Variants in CSE1L observed in about 807,000 individuals in gnomAD.
The protein encoded by CSE1L is chromosome segregation 1 like, also known as exportin-2.
A neutral mutation model predicts 120.4 loss-of-function variants in CSE1L; 24 were observed. The observed-to-expected ratio is 0.20, with a 90% CI of 0.14 to 0.28. The LOEUF (loss-of-function observed/expected upper bound fraction) is 0.28. Among genes scored for constraint, CSE1L ranks in the 10% least tolerant of loss-of-function variants. The pLI is 1.00. For missense variants in CSE1L, 830 were observed against 1,145.2 expected (o/e 0.72, Z 3.97); for synonymous variants, 402 against 398.3 (o/e 1.01, Z -0.11).
intron 3 of CSE1L, among the ~76,000 whole-genome samples, chr20:49,065,157 C>T (rs80021316): frequency 7.5e-6 from 1 of 133,654 alleles, no homozygotes; most frequent in Non-Finnish European, 1.6e-5. Flanking sequence ...AACCCAGTCT[C>T]AAAAAAAAAA....
rs1395297925 is a variant in CSE1L at position 49,084,235 on chromosome 20, T to C, written c.1619+73T>C. 6 of 1,390,690 alleles carry C rather than the reference T, an allele frequency of 4.3e-6. No individual in the cohort carries two copies. In the Admixed American group the frequency reaches 1.3e-4, roughly 31 times the overall value. The allele number at this position is 1,390,690 out of a possible 1,614,324, so 86.1% of individuals were successfully genotyped here. A position where few individuals can be genotyped will look rare whatever the true frequency, so the allele number is the denominator to read the frequency against. On this transcript the variant is annotated intron_variant, in intron 15 of 24. Transcript: ENST00000262982. ...TGTGCTGGTCAAAGATATCTGAATGTTTTCATAATTTCACTAGTGGGAAAA... is the reference window on the plus strand; with the variant it reads ...TGTGCTGGTCAAAGATATCTGAATGCTTTCATAATTTCACTAGTGGGAAAA...
At chr20:49,078,075 A>T (rs534861372) in intron 13 of CSE1L, among the ~76,000 whole-genome samples, 26 of 152,192 alleles carry the variant, frequency 1.7e-4, no homozygotes, top group South Asian at 4.1e-4. Flanking sequence ...ATTCCTTTTT[A>T]AAAAAAATAT....
chr20:49,060,359 GTAGTCCCAGA>G (rs1309684107), intron 2 of CSE1L, among the ~76,000 whole-genome samples: 1 of 151,992 alleles, frequency 6.6e-6, no homozygotes, highest in African/African-American at 2.4e-5. Context: ...GTGCACGGCT[GTAGTCCCAGA>G]TACTTGGGAG....
chr20:49,048,825 G>A (rs1260984156), intron 1 of CSE1L, among the ~76,000 whole-genome samples: 1 of 152,194 alleles, frequency 6.6e-6, no homozygotes, highest in African/African-American at 2.4e-5. Flanking sequence ...ATGTGTGGGT[G>A]CCAGATAGTT....
chr20:49,075,278 G>GT (rs763254861), intron 11 of CSE1L, 40 bp from the exon 12 acceptor site: 101 of 1,483,834 alleles, frequency 6.8e-5, no homozygotes, highest in Non-Finnish European at 7.9e-5. Context: ...GTTGGTGGTT[G>GT]TTTTTTTTCC....
Position 49,085,262 on chromosome 20 carries a change from AAGCTG to A in CSE1L, c.1620-20_1620-16del. The stretch of plus-strand genomic sequence containing the variant: ...AAGCTCAAGAGTTGGTAGTGACTGA[AAGCTG>A]TTTTTTCATCTATAGCTTTACAGCT... On this transcript the variant is annotated splice_polypyrimidine_tract_variant and intron_variant, in intron 15 of 24. Transcript: ENST00000262982. 1 of 1,594,378 alleles carries A rather than the reference AAGCTG, an allele frequency of 6.3e-7. No individual in the cohort carries two copies. Among genetic ancestry groups the A allele is most frequent in the African/African-American group, 1.3e-5 (1 of 74,670 alleles).
At chr20:49,079,691 A>G (rs2091995819) in intron 14 of CSE1L, among the ~76,000 whole-genome samples, 1 of 152,096 alleles carries the variant, frequency 6.6e-6, no homozygotes, top group African/African-American at 2.4e-5. Flanking sequence ...TAGGTCCCAC[A>G]TTTGGGCCTG....
At chr20:49,085,555 AAC>A (rs2092048882) in intron 16 of CSE1L, among the ~76,000 whole-genome samples, 169 bp downstream of exon 16, 1 of 133,066 alleles carries the variant, frequency 7.5e-6, no homozygotes, top group African/African-American at 2.9e-5. Flanking sequence ...GTTTACTACT[AAC>A]AATAATTTTT....
intron 1 of CSE1L, among the ~76,000 whole-genome samples, chr20:49,051,283 T>A (rs1031727951): frequency 3.3e-5 from 5 of 152,226 alleles, no homozygotes; most frequent in Non-Finnish European, 7.3e-5. Flanking sequence ...CGGTGGCTCA[T>A]GCCTGTAATC....
intron 2 of CSE1L, among the ~76,000 whole-genome samples, chr20:49,061,646 G>C (rs1307028476): frequency 6.6e-6 from 1 of 151,604 alleles, no homozygotes. Flanking sequence ...GGGACTACAG[G>C]CGCCCGCCAC....
intron 1 of CSE1L, among the ~76,000 whole-genome samples, 175 bp downstream of exon 1, chr20:49,046,598 C>T (rs1328120298): frequency 6.6e-6 from 1 of 152,182 alleles, no homozygotes; most frequent in Non-Finnish European, 1.5e-5. Context: ...TTCGGCTTCC[C>T]TAGGGAGCGC....
chr20:49,066,380 A>G lies in CSE1L; in HGVS notation c.346A>G (p.Ser116Gly). The change falls in exon 5 of 25, where the codon AGC becomes GGC. Residue 116 changes from serine (S) to glycine (G), a missense_variant. Coordinates refer to ENST00000262982, the MANE Select transcript of CSE1L (RefSeq NM_001316.4). Reference sequence around the variant, plus strand: ...CCTCTCCTAGTTAAGTGATGCAATTAGCATTATTGGCAGAGAAGATTTTCC... The same window carrying G: ...CCTCTCCTAGTTAAGTGATGCAATTGGCATTATTGGCAGAGAAGATTTTCC... ...QIQKQLSDAI[S>G]IIGREDFPQK... The G allele has an allele frequency of 8.1e-6, 13 of 1,614,208 alleles. No individual in the cohort carries two copies. Among genetic ancestry groups the G allele is most frequent in the Non-Finnish European group, 1.1e-5 (13 of 1,180,032 alleles).
chr20:49,053,141 G>GTC (rs1243541286), intron 1 of CSE1L, among the ~76,000 whole-genome samples: 1 of 121,436 alleles, frequency 8.2e-6, no homozygotes, highest in Non-Finnish European at 1.7e-5. Flanking sequence ...GAGACCCCCT[G>GTC]TCTCTCTTTT....
chr20:49,084,101 A>G lies in CSE1L; in HGVS notation c.1558A>G (p.Thr520Ala). ...HLQAESIVVH[T>A]YAAHALERLF... ...TCAAGCTGAAAGTATTGTTGTTCAT[A>G]CTTACGCAGCTCATGCTCTTGAACG... Residue 520 changes from threonine to alanine, a missense_variant, in exon 15 of 25, where the codon ACT becomes GCT. This residue lies in a region of CSE1L where 543 missense variants were observed against 640.2 expected (regional missense o/e 0.85). Transcript: ENST00000262982. The G allele has an allele frequency of 1.9e-6, 3 of 1,614,084 alleles. No individual in the cohort carries two copies. Among genetic ancestry groups the G allele is most frequent in the South Asian group, 2.2e-5 (2 of 91,072 alleles).
chr20:49,056,693 G>GTT (rs3091564), intron 1 of CSE1L, among the ~76,000 whole-genome samples: 14 of 151,442 alleles, frequency 9.2e-5, no homozygotes, highest in Admixed American at 2.0e-4. Flanking sequence ...GTTTCTGTGT[G>GTT]TTTTTTCATT....
At chr20:49,070,049 C>T (rs184614554) in intron 7 of CSE1L, among the ~76,000 whole-genome samples, 156 bp from the exon 8 acceptor site, 34 of 152,316 alleles carry the variant, frequency 2.2e-4, no homozygotes, top group African/African-American at 8.2e-4. Context: ...ATGCAGCTGC[C>T]AGATGTAGCT....
chr20:49,093,564 CTT>C (rs11477256), intron 22 of CSE1L, among the ~76,000 whole-genome samples: 177 of 117,556 alleles, frequency 1.5e-3, no homozygotes, highest in Non-Finnish European at 1.9e-3. Flanking sequence ...GCTCCTCTCT[CTT>C]TTTTTTTTTT....
chr20:49,093,791 C>T (rs1043014542), intron 22 of CSE1L, among the ~76,000 whole-genome samples: 2 of 151,684 alleles, frequency 1.3e-5, no homozygotes, highest in African/African-American at 2.4e-5. Flanking sequence ...GTGGTGGGCA[C>T]CTGTAATCCC....
intron 7 of CSE1L, among the ~76,000 whole-genome samples, chr20:49,069,803 A>T (rs537157012): frequency 3.3e-5 from 5 of 152,368 alleles, no homozygotes; most frequent in Admixed American, 6.5e-5. Flanking sequence ...AGGCAGTACT[A>T]TGCCACAAGA....
Sources: allele counts gnomAD v4.1 joint callset (sites outside exome capture counted in the v4.1 genomes callset), GRCh38; gene constraint gnomAD v4.1.1; regional missense constraint gnomAD v4.1.1; transcripts MANE v1.5; gene names NCBI Gene and HGNC (gene_info 2026-07-23, HGNC 2026-07-21).